The following CYTH1 variants were observed in gnomAD, a reference collection of about 807,000 sequenced individuals.
CYTH1 encodes cytohesin-1.
CYTH1 carries 18 observed loss-of-function variants against 61.8 expected under a neutral mutation model. That is an observed-to-expected ratio of 0.29 (90% CI 0.20 to 0.43). CYTH1 has a LOEUF of 0.43. CYTH1 is among the 20% of genes least tolerant of loss of function. CYTH1 has a pLI of 1.00. For synonymous variants in CYTH1, 174 were observed against 184.3 expected (o/e 0.94, Z 0.45); for missense variants, 336 against 510.5 (o/e 0.66, Z 3.29).
intron 13 of CYTH1, chr17:78,676,837 G>A: frequency 2.7e-6 from 1 of 374,626 alleles, no homozygotes; most frequent in African/African-American, 2.1e-5. Flanking sequence ...GCAGTGGACT[G>A]GCAACACCAC....
Position 78,675,585 on chromosome 17 carries a change from AGCGCAGCCAGG to A in CYTH1, c.*495_*505del. On this transcript the variant is annotated 3_prime_UTR_variant, in exon 14 of 14. Coordinates refer to ENST00000446868, the MANE Select transcript of CYTH1 (RefSeq NM_004762.6). Reference sequence around the variant, plus strand: ...GCTCTTCTCCAGGGAGAAGCTCCCCAGCGCAGCCAGGGCAGAATGCACCTGAACAGCCCTAC... The same window carrying A: ...GCTCTTCTCCAGGGAGAAGCTCCCCAGCAGAATGCACCTGAACAGCCCTAC... 1 of 192,722 alleles carries A rather than the reference AGCGCAGCCAGG, an allele frequency of 5.2e-6. No homozygotes were observed. Among genetic ancestry groups the A allele is most frequent in the Non-Finnish European group, 1.0e-5 (1 of 95,314 alleles). The allele number at this position is 192,722 out of a possible 1,614,324, so 11.9% of individuals were successfully genotyped here.
intron 10 of CYTH1, among the ~76,000 whole-genome samples, chr17:78,693,766 C>T (rs1050565807): frequency 6.6e-6 from 1 of 152,148 alleles, no homozygotes; most frequent in African/African-American, 2.4e-5. Context: ...CACAGGCTTT[C>T]TCTTCCTCCA....
At chr17:78,729,570 A>G (rs908960068) in intron 1 of CYTH1, among the ~76,000 whole-genome samples, 1 of 152,196 alleles carries the variant, frequency 6.6e-6, no homozygotes, top group Non-Finnish European at 1.5e-5. Flanking sequence ...ACCTTTTGGC[A>G]CTAGCAAAAC....
chr17:78,779,417 AAAAAAAG>A (rs2093507471), intron 1 of CYTH1, among the ~76,000 whole-genome samples: 1 of 151,932 alleles, frequency 6.6e-6, no homozygotes, highest in Non-Finnish European at 1.5e-5. Flanking sequence ...AAAAAAAAAA[AAAAAAAG>A]AAAGGGGAAG....
chr17:78,726,738 T>G (rs544253750), intron 1 of CYTH1, among the ~76,000 whole-genome samples: 28 of 151,826 alleles, frequency 1.8e-4, no homozygotes, highest in Non-Finnish European at 3.5e-4. Flanking sequence ...TCTATTCTGC[T>G]GTTGAGTTGG....
chr17:78,708,971 C>A (rs1160113878), intron 2 of CYTH1: 1 of 152,294 alleles, frequency 6.6e-6, no homozygotes, highest in African/African-American at 2.4e-5. Context: ...CTTAACCCCA[C>A]TCCTAATGTC....
rs10557033 is a variant in CYTH1 at position 78,734,432 on chromosome 17, CT to C, written c.23-24701del. ...TACCAATGTACCAGGTAAAAAAAAGCTTTTTTTTTTTTTTTTTTTTTTTTTA... is the reference window on the plus strand; with the variant it reads ...TACCAATGTACCAGGTAAAAAAAAGCTTTTTTTTTTTTTTTTTTTTTTTTA... On this transcript the variant is annotated intron_variant, in intron 1 of 13. Coordinates refer to ENST00000446868, the MANE Select transcript of CYTH1 (RefSeq NM_004762.6). 9.2e-3 allele frequency among the ~76,000 whole-genome samples: 577 copies of C among 62,600 alleles called. 4 individuals carry two copies. The highest frequency in any genetic ancestry group is 0.034 in the African/African-American group (523 of 15,336). The allele number at this position is 62,600 out of a possible 152,430, so 41.1% of individuals were successfully genotyped here. A position where few individuals can be genotyped will look rare whatever the true frequency, so the allele number is the denominator to read the frequency against.
At chr17:78,753,982 T>C (rs1411646458) in intron 1 of CYTH1, among the ~76,000 whole-genome samples, 1 of 152,148 alleles carries the variant, frequency 6.6e-6, no homozygotes, top group Non-Finnish European at 1.5e-5. Flanking sequence ...AATGACATCA[T>C]CAATCCAGCG....
intron 1 of CYTH1, among the ~76,000 whole-genome samples, chr17:78,730,131 G>C (rs943663579): frequency 6.6e-6 from 1 of 152,016 alleles, no homozygotes; most frequent in Non-Finnish European, 1.5e-5. Context: ...CTGTGATTTC[G>C]TATGTGGTCT....
intron 1 of CYTH1, among the ~76,000 whole-genome samples, chr17:78,734,241 CA>C (rs35615036): frequency 0.063 from 8,080 of 127,348 alleles, 386 homozygotes; most frequent in South Asian, 0.17. Flanking sequence ...GACTCTGTCT[CA>C]AAAAAAAAAA....
At chr17:78,709,443 G>C (rs2093104472) in intron 2 of CYTH1, 1 of 545,710 alleles carries the variant, frequency 1.8e-6, no homozygotes, top group South Asian at 2.6e-5. Context: ...GGTGAACCTG[G>C]ACAAGCCACT....
intron 1 of CYTH1, among the ~76,000 whole-genome samples, chr17:78,760,908 T>C (rs1254876931): frequency 1.3e-5 from 2 of 152,084 alleles, no homozygotes; most frequent in Non-Finnish European, 2.9e-5. Context: ...ATTTTCTTGA[T>C]AAATGGGATA....
intron 1 of CYTH1, among the ~76,000 whole-genome samples, chr17:78,748,426 G>A (rs561869008): frequency 1.3e-3 from 199 of 152,332 alleles, no homozygotes; most frequent in African/African-American, 4.5e-3. Flanking sequence ...TACTGTAGGG[G>A]ACAACAATGC....
intron 11 of CYTH1, among the ~76,000 whole-genome samples, chr17:78,686,536 A>T (rs1038952807): frequency 1.3e-5 from 2 of 152,108 alleles, no homozygotes; most frequent in Non-Finnish European, 2.9e-5. Context: ...CATATTATGC[A>T]GTCTCGTAGA....
intron 13 of CYTH1, chr17:78,677,154 T>C: frequency 2.2e-6 from 1 of 445,514 alleles, no homozygotes; most frequent in East Asian, 7.1e-5. Flanking sequence ...GGGATCTCAC[T>C]GGGAAGCGGT....
intron 1 of CYTH1, among the ~76,000 whole-genome samples, chr17:78,745,087 T>A (rs2144651791): frequency 6.6e-6 from 1 of 152,242 alleles, no homozygotes; most frequent in South Asian, 2.1e-4. Context: ...GATTTTTCTT[T>A]CTGAGAAGGG....
At chr17:78,721,077 C>A (rs2093224389) in intron 1 of CYTH1, among the ~76,000 whole-genome samples, 1 of 152,174 alleles carries the variant, frequency 6.6e-6, no homozygotes, top group Admixed American at 6.5e-5. Flanking sequence ...GCCTTGTAAT[C>A]CCAGCACTTT....
At chr17:78,697,759 G>A (rs556277125) in intron 9 of CYTH1, among the ~76,000 whole-genome samples, 8 of 152,246 alleles carry the variant, frequency 5.3e-5, no homozygotes, top group South Asian at 2.1e-4. Context: ...GGGCAGGAGC[G>A]CCAGGTACAA....
At chr17:78,767,861 T>C (rs961396544) in intron 1 of CYTH1, among the ~76,000 whole-genome samples, 1 of 152,206 alleles carries the variant, frequency 6.6e-6, no homozygotes, top group Non-Finnish European at 1.5e-5. Context: ...AGAATGCAGC[T>C]AAGATTCAAA....
Sources: gnomAD v4.1 joint callset for allele counts (sites outside exome capture counted in the v4.1 genomes callset) on GRCh38, gnomAD v4.1.1 for gene constraint, MANE v1.5 for transcripts, NCBI Gene and HGNC (gene_info 2026-07-23, HGNC 2026-07-21) for gene names.